TBC1D22A: variants seen among roughly 807,000 people sequenced by gnomAD.
The protein encoded by TBC1D22A is putative GTPase activator.
Under a neutral mutation model 60.2 loss-of-function variants are expected in TBC1D22A, and 38 were observed. The observed-to-expected ratio is 0.63, with a 90% CI of 0.49 to 0.83. The LOEUF is 0.83. TBC1D22A is among the 40% of genes least tolerant of loss of function. The probability of loss-of-function intolerance (pLI) is 0.00; values close to 1 mark genes in which losing one functional copy is unlikely to be tolerated. For synonymous variants in TBC1D22A, 302 were observed against 281.7 expected (o/e 1.07, Z -0.72); for missense variants, 628 against 701.0 (o/e 0.90, Z 1.18).
chr22:47,045,886 C>T (rs1401202657), intron 11 of TBC1D22A, among the ~76,000 whole-genome samples: 2 of 152,146 alleles, frequency 1.3e-5, no homozygotes, highest in Non-Finnish European at 2.9e-5. Flanking sequence ...GCAGCCTTGT[C>T]TCCACGTCCT....
intron 10 of TBC1D22A, among the ~76,000 whole-genome samples, chr22:47,005,944 A>T: frequency 6.6e-6 from 1 of 151,564 alleles, no homozygotes; most frequent in South Asian, 2.1e-4. Context: ...ACCCTTATAT[A>T]TACACACCCC....
chr22:47,025,044 T>A (rs2062210702), intron 10 of TBC1D22A, among the ~76,000 whole-genome samples: 1 of 152,104 alleles, frequency 6.6e-6, no homozygotes, highest in Admixed American at 6.5e-5. Context: ...TATGATAGAG[T>A]GGGTCAGTTA....
At chr22:46,896,297 G>T (rs955340162) in intron 7 of TBC1D22A, among the ~76,000 whole-genome samples, 1 of 152,046 alleles carries the variant, frequency 6.6e-6, no homozygotes. Flanking sequence ...AAGATCTTCT[G>T]CCCTCTGCAG....
chr22:46,957,145 G>A (rs1454962107), intron 8 of TBC1D22A, among the ~76,000 whole-genome samples: 1 of 152,194 alleles, frequency 6.6e-6, no homozygotes, highest in Non-Finnish European at 1.5e-5. Context: ...CCCATTGCAG[G>A]CACCAGGTGT....
intron 11 of TBC1D22A, among the ~76,000 whole-genome samples, chr22:47,069,139 A>G (rs1469516500): frequency 6.6e-6 from 1 of 152,258 alleles, no homozygotes; most frequent in African/African-American, 2.4e-5. Context: ...AATAACTTCT[A>G]TTGCAAAATC....
At chr22:46,969,690 G>A (rs2073969755) in intron 8 of TBC1D22A, among the ~76,000 whole-genome samples, 1 of 152,128 alleles carries the variant, frequency 6.6e-6, no homozygotes, top group South Asian at 2.1e-4. Flanking sequence ...GTTAGCCTGT[G>A]CACTCGCCAT....
chr22:47,003,235 C>T (rs1463093684), intron 10 of TBC1D22A, among the ~76,000 whole-genome samples: 3 of 152,082 alleles, frequency 2.0e-5, no homozygotes, highest in African/African-American at 7.3e-5. Context: ...CTGTATTTAT[C>T]TGGTAATCCT....
At chr22:46,972,834 C>CT (rs2074125493) in intron 8 of TBC1D22A, among the ~76,000 whole-genome samples, 1 of 152,196 alleles carries the variant, frequency 6.6e-6, no homozygotes. Flanking sequence ...CATGGAGTGA[C>CT]TGAGGGTCCA....
chr22:47,050,301 G>A (rs6009117), intron 11 of TBC1D22A, among the ~76,000 whole-genome samples: 12,085 of 150,126 alleles, frequency 0.08, 1,252 homozygotes, highest in African/African-American at 0.24. Context: ...CACCGCGCCT[G>A]GCCGAGAGGG....
chr22:46,851,952 C>T (rs544731341), intron 4 of TBC1D22A, among the ~76,000 whole-genome samples: 126 of 152,354 alleles, frequency 8.3e-4, no homozygotes, highest in African/African-American at 3.0e-3. Context: ...GCAGGCTCCT[C>T]ACAGCCCCTG....
At chr22:46,994,965 G>A (rs769115568) in intron 9 of TBC1D22A, among the ~76,000 whole-genome samples, 1 of 152,192 alleles carries the variant, frequency 6.6e-6, no homozygotes, top group Non-Finnish European at 1.5e-5. Flanking sequence ...TCAAATATAC[G>A]AAAGCTCACA....
intron 4 of TBC1D22A, among the ~76,000 whole-genome samples, chr22:46,836,975 A>G (rs112739714): frequency 6.6e-6 from 1 of 150,630 alleles, no homozygotes; most frequent in Non-Finnish European, 1.5e-5. Flanking sequence ...CCTGGGCAAC[A>G]TAGGGAGATC....
chr22:47,061,075 C>T (rs576376268), intron 11 of TBC1D22A, among the ~76,000 whole-genome samples: 1 of 151,766 alleles, frequency 6.6e-6, no homozygotes, highest in South Asian at 2.1e-4. Flanking sequence ...TCACCACGGT[C>T]CTGGAAAGGT....
At chr22:46,961,687 C>A (rs1442493174) in intron 8 of TBC1D22A, among the ~76,000 whole-genome samples, 1 of 152,168 alleles carries the variant, frequency 6.6e-6, no homozygotes, top group Non-Finnish European at 1.5e-5. Context: ...GATTTGAACC[C>A]AGACTTTCCA....
At chr22:46,803,101 G>A (rs111316069) in intron 4 of TBC1D22A, among the ~76,000 whole-genome samples, 12,040 of 151,700 alleles carry the variant, frequency 0.079, 601 homozygotes, top group Non-Finnish European at 0.11. Context: ...CAGCCACTGG[G>A]GGCCTTCACT....
chr22:47,002,991 T>C (rs760088984), intron 10 of TBC1D22A, among the ~76,000 whole-genome samples: 1 of 152,146 alleles, frequency 6.6e-6, no homozygotes, highest in Non-Finnish European at 1.5e-5. Flanking sequence ...CCTTCTGAGT[T>C]TTCTCCTGCA....
At chr22:47,121,083 G>A (rs1331139478) in intron 12 of TBC1D22A, among the ~76,000 whole-genome samples, 1 of 152,316 alleles carries the variant, frequency 6.6e-6, no homozygotes, top group Non-Finnish European at 1.5e-5. Context: ...ATAGAAAATG[G>A]ATGAGGACAA....
chr22:46,910,573 C>T (rs77359142), intron 7 of TBC1D22A, among the ~76,000 whole-genome samples: 10,403 of 152,248 alleles, frequency 0.068, 494 homozygotes, highest in Non-Finnish European at 0.11. Flanking sequence ...AGCAGTTGGG[C>T]CTGGCCTTAG....
intron 12 of TBC1D22A, among the ~76,000 whole-genome samples, chr22:47,124,214 T>C (rs968437668): frequency 2.0e-5 from 3 of 152,156 alleles, no homozygotes; most frequent in Admixed American, 2.0e-4. Context: ...CCTTGTGTTT[T>C]AGCAAGAACT....
Sources: allele counts gnomAD v4.1 joint callset (sites outside exome capture counted in the v4.1 genomes callset), GRCh38; gene constraint gnomAD v4.1.1; transcripts MANE v1.5; gene names NCBI Gene and HGNC (gene_info 2026-07-23, HGNC 2026-07-21).